PNPLA1: variants seen among roughly 807,000 people sequenced by gnomAD.
PNPLA1 encodes the protein omega-hydroxyceramide transacylase.
Under a neutral mutation model 51.7 loss-of-function variants are expected in PNPLA1, and 36 were observed. The ratio of observed to expected loss-of-function variants is 0.70; its 90% confidence interval spans 0.53 to 0.92. The LOEUF (loss-of-function observed/expected upper bound fraction) is 0.92, where lower values mean the gene tolerates loss of function less well. Ranked by LOEUF, PNPLA1 falls within the 40% of genes least tolerant of loss-of-function variation. The pLI is 0.00. For missense variants in PNPLA1, 658 were observed against 682.5 expected, an observed-to-expected ratio of 0.96 and a Z score of 0.40; for synonymous variants, 293 against 280.1, an observed-to-expected ratio of 1.05 and a Z score of -0.46.
intron 5 of PNPLA1, among the ~76,000 whole-genome samples, chr6:36,301,372 A>G (rs1344306258): frequency 6.6e-6 from 1 of 151,850 alleles, no homozygotes; most frequent in African/African-American, 2.4e-5. Flanking sequence ...CAGCCCTGAC[A>G]TGGTCCGGCC....
intron 6 of PNPLA1, among the ~76,000 whole-genome samples, chr6:36,303,317 T>C (rs1050301714): frequency 2.6e-5 from 4 of 152,268 alleles, no homozygotes; most frequent in Middle Eastern, 3.4e-3. Context: ...ATGGTCTCAA[T>C]CTCCTGACTT....
rs1771037155 is a variant in PNPLA1 at position 36,301,237 on chromosome 6, T to C, written c.776-624T>C. Among the ~76,000 whole-genome samples, 5 of 151,538 alleles carry C rather than the reference T, an allele frequency of 3.3e-5. No homozygotes were observed. In the Admixed American group the frequency reaches 3.3e-4, roughly 10 times the overall value. On this transcript the variant is annotated intron_variant, in intron 5 of 8. Transcript: ENST00000636260. ...CCAGGCTCAGGCAACCCTTTCACCT[T>C]TCTCAATGAGTCTTACAGCCACAGT... is the stretch of plus-strand genomic sequence containing the variant.
rs1770944235 is a variant in PNPLA1 at position 36,299,105 on chromosome 6, T to C, written c.776-2756T>C. Among the ~76,000 whole-genome samples the C allele has an allele frequency of 4.6e-5, 7 of 152,204 alleles. No individual in the cohort carries two copies. The South Asian group carries it at 1.4e-3, about 32-fold the overall frequency. On this transcript the variant is annotated intron_variant, in intron 5 of 8. Coordinates refer to ENST00000636260, the MANE Select transcript of PNPLA1 (RefSeq NM_001374623.1). ...TGTCCATCCATCTGACAAAGGACAC[T>C]GGAGTTGCTTCCATCTTTCGGCTAT...
intron 1 of PNPLA1, among the ~76,000 whole-genome samples, chr6:36,251,615 T>C (rs1467894232): frequency 6.6e-6 from 1 of 152,114 alleles, no homozygotes; most frequent in Non-Finnish European, 1.5e-5. Context: ...AACTTGTTAT[T>C]CCAAGCTACT....
chr6:36,263,058 G>A (rs922228945), intron 1 of PNPLA1, among the ~76,000 whole-genome samples: 7 of 152,138 alleles, frequency 4.6e-5, no homozygotes, highest in Admixed American at 2.0e-4. Flanking sequence ...AATAGCTTAG[G>A]CTTGATGGTC....
intron 6 of PNPLA1, among the ~76,000 whole-genome samples, chr6:36,302,701 A>C (rs1415887253): frequency 6.6e-6 from 1 of 152,232 alleles, no homozygotes; most frequent in Admixed American, 6.5e-5. Flanking sequence ...CCCTACCGGC[A>C]GCAAAAGCAT....
intron 5 of PNPLA1, among the ~76,000 whole-genome samples, chr6:36,299,404 G>A (rs1229392248): frequency 6.8e-6 from 1 of 146,514 alleles, no homozygotes; most frequent in African/African-American, 2.6e-5. Context: ...GCATGATCTC[G>A]GCTCACTGCA....
chr6:36,311,113 G>A (rs138428714), intron 8 of PNPLA1, among the ~76,000 whole-genome samples: 2 of 152,200 alleles, frequency 1.3e-5, no homozygotes, highest in Non-Finnish European at 2.9e-5. Context: ...CTACTGAATC[G>A]GAAATGGGGC....
chr6:36,273,854 G>A (rs558726249), intron 1 of PNPLA1, among the ~76,000 whole-genome samples: 59 of 151,976 alleles, frequency 3.9e-4, no homozygotes, highest in Admixed American at 6.6e-4. Context: ...GGTCATGGAC[G>A]GCAGTGGTAG....
intron 1 of PNPLA1, among the ~76,000 whole-genome samples, chr6:36,247,170 C>A (rs1031257417): frequency 6.6e-6 from 1 of 152,166 alleles, no homozygotes; most frequent in Non-Finnish European, 1.5e-5. Flanking sequence ...AGAGAAGCCA[C>A]TGTCAAACCT....
At chr6:36,289,839 C>T (rs1315564466) in intron 1 of PNPLA1, among the ~76,000 whole-genome samples, 2 of 152,138 alleles carry the variant, frequency 1.3e-5, no homozygotes, top group African/African-American at 2.4e-5. Flanking sequence ...GTGGAATAAT[C>T]GGTAAACCAT....
intron 1 of PNPLA1, among the ~76,000 whole-genome samples, chr6:36,261,004 C>G (rs548865672): frequency 6.6e-6 from 1 of 151,966 alleles, no homozygotes; most frequent in South Asian, 2.1e-4. Flanking sequence ...TTTGTGTGTG[C>G]GTTTTGTAGA....
chr6:36,288,828 T>G (rs546219842), intron 1 of PNPLA1, among the ~76,000 whole-genome samples: 1 of 152,276 alleles, frequency 6.6e-6, no homozygotes, highest in East Asian at 1.9e-4. Flanking sequence ...TCCCAGCTAC[T>G]CAAGAGGCTG....
chr6:36,275,668 G>A (rs1770068427), intron 1 of PNPLA1, among the ~76,000 whole-genome samples: 1 of 152,086 alleles, frequency 6.6e-6, no homozygotes, highest in Non-Finnish European at 1.5e-5. Context: ...ATAATAAAGG[G>A]TTCATCACAT....
chr6:36,270,210 G>A lies in PNPLA1; in HGVS notation c.-250G>A, dbSNP rs1385341411. ...CCAAGACCCTGCTCACACACCGGGG[G>A]AGCCTTCTGCATCTCATTCTGGGGC... On this transcript the variant is annotated 5_prime_UTR_variant, in exon 1 of 9. Transcript: ENST00000636260. Among the ~76,000 whole-genome samples the A allele has an allele frequency of 1.3e-5, 2 of 152,246 alleles. No individual in the cohort carries two copies. Among genetic ancestry groups the A allele is most frequent in the Non-Finnish European group, 2.9e-5 (2 of 68,044 alleles).
chr6:36,305,157 A>C (rs1771191985), intron 6 of PNPLA1, among the ~76,000 whole-genome samples: 1 of 152,198 alleles, frequency 6.6e-6, no homozygotes, highest in Admixed American at 6.5e-5. Flanking sequence ...TAAAAAATTC[A>C]TTAACTTTCT....
chr6:36,293,045 T>C lies in PNPLA1; in HGVS notation c.439-16T>C, dbSNP rs1464556418. ...CCCCGGGCCTCCAGCATCTCAGCCC[T>C]GTTCTCTCCGCACAGGCCCTATACT... is the stretch of plus-strand genomic sequence containing the variant. On this transcript the variant is annotated splice_polypyrimidine_tract_variant and intron_variant, in intron 2 of 8. Coordinates refer to ENST00000636260, the MANE Select transcript of PNPLA1 (RefSeq NM_001374623.1). 1.9e-6 allele frequency: 3 copies of C among 1,611,118 alleles called. No homozygotes were observed. The highest frequency in any genetic ancestry group is 1.1e-5 in the South Asian group (1 of 90,814).
intron 1 of PNPLA1, among the ~76,000 whole-genome samples, chr6:36,279,174 G>C (rs911504079): frequency 6.6e-6 from 1 of 152,180 alleles, no homozygotes; most frequent in Non-Finnish European, 1.5e-5. Flanking sequence ...GGCTTCAAAG[G>C]GATCTTGCAA....
At chr6:36,288,679 C>G (rs948866199) in intron 1 of PNPLA1, among the ~76,000 whole-genome samples, 13 of 151,812 alleles carry the variant, frequency 8.6e-5, no homozygotes, top group Admixed American at 8.5e-4. Context: ...AGGATGGTCT[C>G]GATCTCCTGA....
Sources: allele counts gnomAD v4.1 joint callset (sites outside exome capture counted in the v4.1 genomes callset), GRCh38; gene constraint gnomAD v4.1.1; transcripts MANE v1.5; gene names NCBI Gene and HGNC (gene_info 2026-07-23, HGNC 2026-07-21).